The following NPHP4 variants were observed in gnomAD, a reference collection of about 807,000 sequenced individuals.
NPHP4 encodes the protein nephrocystin 4, also known as nephrocystin-4.
NPHP4 carries 151 observed loss-of-function variants against 155.8 expected under a neutral mutation model. That is an observed-to-expected ratio of 0.97 (90% CI 0.85 to 1.11). The LOEUF (loss-of-function observed/expected upper bound fraction) is 1.11. NPHP4 is among the 50% of genes least tolerant of loss of function. The pLI is 0.00. For missense variants in NPHP4, 1,956 were observed against 1,925.7 expected, an observed-to-expected ratio of 1.02 and a Z score of -0.29; for synonymous variants, 845 against 816.8, an observed-to-expected ratio of 1.03 and a Z score of -0.59.
intron 3 of NPHP4, among the ~76,000 whole-genome samples, chr1:5,975,168 G>A (rs1475255027): frequency 2.0e-5 from 3 of 152,156 alleles, no homozygotes; most frequent in Non-Finnish European, 1.5e-5. Context: ...ATCCACACTT[G>A]GGAGCACATA....
chr1:5,953,625 G>C (rs1648623536), intron 6 of NPHP4, among the ~76,000 whole-genome samples: 1 of 152,236 alleles, frequency 6.6e-6, no homozygotes, highest in African/African-American at 2.4e-5. Context: ...AATACAGCCT[G>C]AACGGCACCA....
At chr1:5,982,442 C>T (rs1295682441) in intron 2 of NPHP4, among the ~76,000 whole-genome samples, 3 of 152,176 alleles carry the variant, frequency 2.0e-5, no homozygotes, top group African/African-American at 4.8e-5. Flanking sequence ...TCTAGGTTTA[C>T]GTAAGTACAT....
Position 5,909,197 on chromosome 1 carries a change from T to C in NPHP4, c.1458A>G (p.Val486=). The stretch of plus-strand genomic sequence containing the variant: ...TCTGCGGGGCAGCGAGAACTCGAGG[T>C]ACTGGCGCTGGCGGGCCTGGGAGGA... ...PTSPSSPPAP[V]PRVLAAPQNS... The change falls in exon 12 of 30, where the codon GTA becomes GTG. Residue 486 remains valine, a synonymous_variant. Coordinates refer to ENST00000378156, the MANE Select transcript of NPHP4 (RefSeq NM_015102.5). 6.2e-7 allele frequency: 1 copy of C among 1,604,226 alleles called. No homozygotes were observed. The highest frequency in any genetic ancestry group is 8.5e-7 in the Non-Finnish European group (1 of 1,175,814).
chr1:5,874,929 T>G lies in NPHP4; in HGVS notation c.2989A>C (p.Asn997His). The change falls in exon 21 of 30, where the codon AAC becomes CAC. Residue 997 changes from asparagine (N) to histidine (H), a missense_variant. Transcript: ENST00000378156. ...ACCGTGTGCTGTGTGTTGTGGGGGT[T>G]CTTAAGCACAAACTCAAAGAACTCG... is the stretch of plus-strand genomic sequence containing the variant. ...VAEFFEFVLK[N>H]PHNTQHTVTV... is the part of the protein sequence containing the mutation. 1 of 1,613,606 alleles carries G rather than the reference T, an allele frequency of 6.2e-7. No homozygotes were observed. Among genetic ancestry groups the G allele is most frequent in the Non-Finnish European group, 8.5e-7 (1 of 1,179,850 alleles).
At chr1:5,968,651 C>T (rs1651973417) in intron 4 of NPHP4, among the ~76,000 whole-genome samples, 1 of 151,314 alleles carries the variant, frequency 6.6e-6, no homozygotes, top group African/African-American at 2.4e-5. Flanking sequence ...CCACACTATG[C>T]TATTATGGAC....
At chr1:5,921,385 A>G (rs553210480) in intron 11 of NPHP4, among the ~76,000 whole-genome samples, 1 of 152,338 alleles carries the variant, frequency 6.6e-6, no homozygotes, top group South Asian at 2.1e-4. Flanking sequence ...GAGTTGTAGG[A>G]TATTAACTAA....
At chr1:5,982,674 A>G (rs1009333604) in intron 2 of NPHP4, among the ~76,000 whole-genome samples, 18 of 152,228 alleles carry the variant, frequency 1.2e-4, no homozygotes, top group African/African-American at 3.6e-4. Context: ...CTTTTCTAAT[A>G]TAGTCATGTA....
chr1:5,926,774 C>G (rs1052898078), intron 11 of NPHP4, among the ~76,000 whole-genome samples: 12 of 152,204 alleles, frequency 7.9e-5, no homozygotes, highest in Non-Finnish European at 1.8e-4. Flanking sequence ...CAACTCCTCC[C>G]TCGACACCCG....
intron 18 of NPHP4, chr1:5,880,750 C>A (rs999746382): frequency 1.2e-5 from 2 of 165,350 alleles, no homozygotes; most frequent in African/African-American, 4.8e-5. Flanking sequence ...GGCCTCGGGA[C>A]AAGCGTGTCT....
chr1:5,939,692 C>T (rs770718703), intron 9 of NPHP4, among the ~76,000 whole-genome samples: 5 of 152,244 alleles, frequency 3.3e-5, no homozygotes, highest in Non-Finnish European at 5.9e-5. Context: ...AAGCAACCCC[C>T]ACCTCAGCCA....
chr1:5,903,889 G>A (rs956107934), intron 16 of NPHP4, among the ~76,000 whole-genome samples: 1 of 152,180 alleles, frequency 6.6e-6, no homozygotes, highest in East Asian at 1.9e-4. Flanking sequence ...GCAAGCAGAC[G>A]CCAAGGGCGC....
chr1:5,961,716 G>A, intron 6 of NPHP4, 78 bp downstream of exon 6: 1 of 1,420,904 alleles, frequency 7.0e-7, no homozygotes. Flanking sequence ...CCCCAGAAGA[G>A]CCCAGTGCCT....
chr1:5,890,736 T>A lies in NPHP4; in HGVS notation c.2304+132A>T, dbSNP rs935830251. On this transcript the variant is annotated intron_variant, in intron 17 of 29. Transcript: ENST00000378156. The surrounding 1 kb of genome is among the most constrained non-coding windows in gnomAD (Gnocchi z 4.9). ...AGAATGCAGCACTATTTTTAACGAGTGAACAAAGAAGGTCAAACAAGTCCT... is the reference window on the plus strand; with the variant it reads ...AGAATGCAGCACTATTTTTAACGAGAGAACAAAGAAGGTCAAACAAGTCCT... 3 of 673,640 alleles carry A rather than the reference T, an allele frequency of 4.5e-6. No individual in the cohort carries two copies. Among genetic ancestry groups the A allele is most frequent in the Admixed American group, 6.7e-5 (2 of 29,678 alleles). 41.7% of individuals were successfully genotyped at this position (673,640 alleles called of 1,614,324 possible).
At chr1:5,950,923 T>C (rs1647860518) in intron 7 of NPHP4, among the ~76,000 whole-genome samples, 1 of 152,042 alleles carries the variant, frequency 6.6e-6, no homozygotes, top group African/African-American at 2.4e-5. Flanking sequence ...CGGACGACCA[T>C]CCAGCAAAAA....
intron 13 of NPHP4, among the ~76,000 whole-genome samples, chr1:5,906,246 G>A (rs1380419167): frequency 6.6e-6 from 1 of 152,248 alleles, no homozygotes; most frequent in South Asian, 2.1e-4. Context: ...TGGCTGGCGT[G>A]TTTGGACAGT....
chr1:5,884,345 A>C (rs552198950), intron 18 of NPHP4, among the ~76,000 whole-genome samples: 2 of 152,292 alleles, frequency 1.3e-5, no homozygotes, highest in East Asian at 3.9e-4. Context: ...GAGAACACAG[A>C]CGCTTAGCCT....
At chr1:5,912,222 G>T (rs1645212698) in intron 11 of NPHP4, among the ~76,000 whole-genome samples, 1 of 152,214 alleles carries the variant, frequency 6.6e-6, no homozygotes. Flanking sequence ...TGCAGAACTG[G>T]GAAGGCAGCC....
chr1:5,911,355 A>T (rs919330649), intron 11 of NPHP4, among the ~76,000 whole-genome samples: 3 of 152,198 alleles, frequency 2.0e-5, no homozygotes, highest in African/African-American at 7.2e-5. Context: ...GGAACTCGGA[A>T]AACTCCGCAG....
In NPHP4 at chr1:5,890,766, G is replaced by A. The variant is rs1052917911; in HGVS notation, c.2304+102C>T. On this transcript the variant is annotated intron_variant, in intron 17 of 29. Coordinates refer to ENST00000378156, the MANE Select transcript of NPHP4 (RefSeq NM_015102.5). This position sits in a 1 kb window ranked among gnomAD's most constrained non-coding sequence, Gnocchi z 4.9. ...AAAGAAGGTCAAACAAGTCCTGTGCGGGATAGCGCCCGCTCCTTCCAAGCA... is the reference window on the plus strand; with the variant it reads ...AAAGAAGGTCAAACAAGTCCTGTGCAGGATAGCGCCCGCTCCTTCCAAGCA... The A allele has an allele frequency of 7.2e-5, 78 of 1,082,986 alleles. No homozygotes were observed. In the East Asian group the frequency reaches 7.5e-4, roughly 10 times the overall value. The allele number at this position is 1,082,986 out of a possible 1,614,324, so 67.1% of individuals were successfully genotyped here.
Sources: allele counts gnomAD v4.1 joint callset (sites outside exome capture counted in the v4.1 genomes callset), GRCh38; gene constraint gnomAD v4.1.1; non-coding constraint Gnocchi (gnomAD v3.1); transcripts MANE v1.5; gene names NCBI Gene and HGNC (gene_info 2026-07-23, HGNC 2026-07-21).